EPHB2: variants seen among roughly 807,000 people sequenced by gnomAD.
EPHB2 encodes EPH receptor B2.
A neutral mutation model predicts 96.4 loss-of-function variants in EPHB2; 18 were observed. The ratio of observed to expected loss-of-function variants is 0.19; its 90% confidence interval spans 0.13 to 0.28. EPHB2 has a LOEUF of 0.28. Ranked by LOEUF, EPHB2 falls within the 10% of genes least tolerant of loss-of-function variation. The pLI is 1.00. For synonymous variants in EPHB2, 506 were observed against 534.1 expected (o/e 0.95, Z 0.72); for missense variants, 989 against 1,355.4 (o/e 0.73, Z 4.25).
intron 5 of EPHB2, among the ~76,000 whole-genome samples, chr1:22,870,827 G>A (rs142300005): frequency 9.2e-5 from 14 of 152,298 alleles, no homozygotes; most frequent in Admixed American, 2.0e-4. Context: ...AAGCCTGGCC[G>A]CTCACCAGCA....
intron 5 of EPHB2, among the ~76,000 whole-genome samples, chr1:22,874,551 ACAGACCTGGGTCCCCAT>A (rs1187050742): frequency 1.3e-5 from 2 of 152,228 alleles, no homozygotes; most frequent in Non-Finnish European, 2.9e-5. Context: ...TTACAGTCAG[ACAGACCTGGGTCCCCAT>A]CTCAGCCCTG....
At chr1:22,894,505 G>C (rs1329359015) in intron 7 of EPHB2, among the ~76,000 whole-genome samples, 1 of 151,492 alleles carries the variant, frequency 6.6e-6, no homozygotes, top group Admixed American at 6.6e-5. Flanking sequence ...ACTGAGACAG[G>C]AGAATCGCTT....
At position 22,743,836 on chromosome 1, in the gene EPHB2, C is replaced by T. The variant is rs1013651021; in HGVS notation, c.61+32793C>T. On this transcript the variant is annotated intron_variant, in intron 1 of 15. Transcript: ENST00000374630. The stretch of plus-strand genomic sequence containing the variant: ...GTACAGTGCCTGGCACATAGTAGGC[C>T]TCCTCGGCCACCTCTACAAATGGTA... Among the ~76,000 whole-genome samples, 5 of 152,162 alleles carry T rather than the reference C, an allele frequency of 3.3e-5. No homozygotes were observed. The South Asian group carries it at 8.3e-4, about 25-fold the overall frequency.
At chr1:22,774,655 G>T (rs1367545590) in intron 1 of EPHB2, 1 of 982,322 alleles carries the variant, frequency 1.0e-6, no homozygotes, top group Non-Finnish European at 1.2e-6. Flanking sequence ...TAGCTGGCCT[G>T]CTTGGCAGGG....
At chr1:22,714,299 T>A (rs1226339089) in intron 1 of EPHB2, among the ~76,000 whole-genome samples, 1 of 152,154 alleles carries the variant, frequency 6.6e-6, no homozygotes, top group African/African-American at 2.4e-5. Flanking sequence ...CATTGCCTCA[T>A]TTTCTCACCA....
chr1:22,716,456 G>A (rs1269030955), intron 1 of EPHB2, among the ~76,000 whole-genome samples: 3 of 151,938 alleles, frequency 2.0e-5, no homozygotes, highest in South Asian at 2.1e-4. Context: ...CTCAGCCTCC[G>A]GAGTAGCTGG....
chr1:22,845,498 A>G (rs1645528825), intron 3 of EPHB2, among the ~76,000 whole-genome samples: 1 of 152,024 alleles, frequency 6.6e-6, no homozygotes, highest in Admixed American at 6.6e-5. Context: ...GCCCTTCACC[A>G]CAAGTTGCCT....
chr1:22,784,468 G>A lies in EPHB2; in HGVS notation c.203G>A (p.Ser68Asn). 1 of 1,614,184 alleles carries A rather than the reference G, an allele frequency of 6.2e-7. No individual in the cohort carries two copies. The highest frequency in any genetic ancestry group is 8.5e-7 in the Non-Finnish European group (1 of 1,180,016). Residue 68 changes from serine to asparagine, a missense_variant, in exon 3 of 16, where the codon AGC becomes AAC. By Grantham distance (46) the Ser-to-Asn change is conservative (BLOSUM62 1). Coordinates refer to ENST00000374630, the MANE Select transcript of EPHB2 (RefSeq NM_017449.5). The surrounding 1 kb of genome is among the most constrained non-coding windows in gnomAD (Gnocchi z 5.1). ...CAGGTGTGCAACGTGTTTGAGTCAA[G>A]CCAGAACAACTGGCTACGGACCAAG... ...TYQVCNVFES[S>N]QNNWLRTKFI...
chr1:22,750,424 C>T, intron 1 of EPHB2, among the ~76,000 whole-genome samples: 1 of 152,168 alleles, frequency 6.6e-6, no homozygotes, highest in East Asian at 1.9e-4. Context: ...TTCTGATGTG[C>T]TTTAGTCCTG....
intron 1 of EPHB2, among the ~76,000 whole-genome samples, chr1:22,738,921 G>A (rs572740149): frequency 6.6e-6 from 1 of 152,194 alleles, no homozygotes; most frequent in Non-Finnish European, 1.5e-5. Flanking sequence ...AGTCTAGCAG[G>A]TTGGGGAGGA....
At position 22,803,049 on chromosome 1, in the gene EPHB2, C is replaced by G. The variant is rs553537936; in HGVS notation, c.811+17973C>G. On this transcript the variant is annotated intron_variant, in intron 3 of 15. Transcript: ENST00000374630. ...GAGCCTGGGAGTCCCAGAGGCCTTT[C>G]TAGAGGAAGGGCCACCAGCACAGAG... 8.5e-5 allele frequency among the ~76,000 whole-genome samples: 13 copies of G among 152,174 alleles called. No homozygotes were observed. The East Asian group carries it at 2.1e-3, about 25-fold the overall frequency.
intron 3 of EPHB2, among the ~76,000 whole-genome samples, chr1:22,832,581 G>A (rs1039786789): frequency 3.3e-5 from 5 of 152,096 alleles, no homozygotes; most frequent in South Asian, 2.1e-4. Context: ...GCCAGGCTAC[G>A]CCACTCTTCT....
chr1:22,900,918 T>G (rs1310425704), intron 9 of EPHB2, among the ~76,000 whole-genome samples: 1 of 152,172 alleles, frequency 6.6e-6, no homozygotes, highest in Non-Finnish European at 1.5e-5. Context: ...CCCCATGGTT[T>G]CCATCATTCA....
At chr1:22,796,152 A>T (rs1331595931) in intron 3 of EPHB2, among the ~76,000 whole-genome samples, 6 of 152,132 alleles carry the variant, frequency 3.9e-5, no homozygotes, top group Non-Finnish European at 5.9e-5. Context: ...GCTCTTTTGG[A>T]CCCCACACTC....
chr1:22,899,086 G>A (rs1022604804), intron 9 of EPHB2, among the ~76,000 whole-genome samples: 2 of 151,174 alleles, frequency 1.3e-5, no homozygotes, highest in Admixed American at 6.6e-5. Flanking sequence ...CCAGCCACTC[G>A]GGAGGCTGAG....
At chr1:22,827,565 T>C (rs1454234553) in intron 3 of EPHB2, among the ~76,000 whole-genome samples, 1 of 152,190 alleles carries the variant, frequency 6.6e-6, no homozygotes, top group Non-Finnish European at 1.5e-5. Context: ...GAAATCTCAA[T>C]TTTCTCATCT....
intron 5 of EPHB2, among the ~76,000 whole-genome samples, chr1:22,874,285 G>A (rs995003706): frequency 2.6e-4 from 39 of 152,304 alleles, no homozygotes; most frequent in African/African-American, 8.7e-4. Context: ...AGAAACTGAC[G>A]CACAGGAGGT....
chr1:22,869,362 G>A (rs183379966), intron 5 of EPHB2, among the ~76,000 whole-genome samples: 3 of 152,158 alleles, frequency 2.0e-5, no homozygotes, highest in South Asian at 4.2e-4. Context: ...GAGGATGTAT[G>A]TCCTAGTTGG....
rs759393577 is a variant in EPHB2, at chr1:22,909,095, T to C, written c.2426T>C (p.Val809Ala). 5 of 1,614,124 alleles carry C rather than the reference T, an allele frequency of 3.1e-6. No homozygotes were observed. In the Admixed American group the frequency reaches 6.7e-5, roughly 22 times the overall value. ...QYRKFTSASD[V>A]WSYGIVMWEV... ...CGGAAGTTCACCTCGGCCAGTGATG[T>C]GTGGAGCTACGGCATTGTCATGTGG... Residue 809 changes from valine to alanine, a missense_variant, in exon 13 of 16, where the codon GTG (valine) becomes GCG (alanine). By Grantham distance (64) the Val-to-Ala change is moderately conservative. Transcript: ENST00000374630.
Sources: gnomAD v4.1 joint callset for allele counts (sites outside exome capture counted in the v4.1 genomes callset) on GRCh38, gnomAD v4.1.1 for gene constraint, Gnocchi (gnomAD v3.1) non-coding constraint, MANE v1.5 for transcripts, NCBI Gene and HGNC (gene_info 2026-07-23, HGNC 2026-07-21) for gene names.